SOX5: variants seen among roughly 807,000 people sequenced by gnomAD.
SOX5 encodes SRY-box transcription factor 5, also known as transcription factor SOX-5.
Under a neutral mutation model 92.0 loss-of-function variants are expected in SOX5, and 9 were observed. That is an observed-to-expected ratio of 0.10 (90% CI 0.06 to 0.17). The LOEUF is 0.17. SOX5 is among the 10% of genes least tolerant of loss of function. The pLI is 1.00. For missense variants in SOX5, 642 were observed against 944.5 expected (o/e 0.68, Z 4.20); for synonymous variants, 344 against 336.3 (o/e 1.02, Z -0.25).
chr12:24,134,535 G>C (rs908881845), intron 4 of SOX5, among the ~76,000 whole-genome samples: 8 of 151,762 alleles, frequency 5.3e-5, no homozygotes, highest in Non-Finnish European at 1.0e-4. Context: ...TATAACACAT[G>C]CACACACACA....
At chr12:23,783,945 G>A (rs1177665214) in intron 3 of SOX5, among the ~76,000 whole-genome samples, 1 of 152,006 alleles carries the variant, frequency 6.6e-6, no homozygotes, top group East Asian at 1.9e-4. Flanking sequence ...ATCACCTGGA[G>A]GATTGTTATA....
rs149825445 is a variant in SOX5 at position 24,388,816 on chromosome 12, T to C, written c.-250-20177A>G. 2.2e-3 allele frequency among the ~76,000 whole-genome samples: 341 copies of C among 152,270 alleles called. 7 individuals are homozygous for C. The highest frequency in any genetic ancestry group is 0.021 in the East Asian group (108 of 5,178). ...TAGCCATGAATGTACTTTCTGTCTC[T>C]ATATATTTGGTTGTCTGGATATCCA... On this transcript the variant is annotated intron_variant, in intron 1 of 4. Coordinates refer to the SOX5 transcript ENST00000446891.
chr12:23,945,591 A>G (rs770806504), intron 1 of SOX5, among the ~76,000 whole-genome samples: 1 of 152,194 alleles, frequency 6.6e-6, no homozygotes. Context: ...CTTGCAAATT[A>G]TTGACACGGT....
intron 3 of SOX5, among the ~76,000 whole-genome samples, chr12:23,758,623 A>G (rs77914464): frequency 6.6e-6 from 1 of 151,906 alleles, no homozygotes; most frequent in Non-Finnish European, 1.5e-5. Context: ...AATTCTACCT[A>G]TTGGATCCCA....
chr12:23,976,883 TAGA>T (rs1461908672), intron 4 of SOX5, among the ~76,000 whole-genome samples: 1 of 151,778 alleles, frequency 6.6e-6, no homozygotes, highest in African/African-American at 2.4e-5. Flanking sequence ...TGTTGACTTG[TAGA>T]AGAATAGAAT....
intron 14 of SOX5, among the ~76,000 whole-genome samples, 173 bp from the exon 15 acceptor site, chr12:23,534,695 TTTTC>T (rs1193810381): frequency 3.9e-4 from 53 of 136,590 alleles, no homozygotes; most frequent in Non-Finnish European, 5.1e-4. Context: ...CTTGTTTTTC[TTTTC>T]TTTTCTTTTT....
At chr12:23,979,905 CTGGCT>C (rs1428607889) in intron 4 of SOX5, among the ~76,000 whole-genome samples, 4,178 of 127,802 alleles carry the variant, frequency 0.033, 86 homozygotes, top group East Asian at 0.046. Context: ...GGCTGGCTGG[CTGGCT>C]GGCCAGACAG....
At chr12:23,857,796 G>A (rs905531615) in intron 2 of SOX5, among the ~76,000 whole-genome samples, 5 of 150,556 alleles carry the variant, frequency 3.3e-5, no homozygotes, top group Non-Finnish European at 5.9e-5. Context: ...GCAGTGGCAC[G>A]ATCTTGGCTC....
intron 1 of SOX5, among the ~76,000 whole-genome samples, chr12:23,896,776 G>C (rs1283073441): frequency 6.7e-6 from 1 of 149,132 alleles, no homozygotes; most frequent in African/African-American, 2.5e-5. Flanking sequence ...ACAACTCTAT[G>C]AATGATTTAG....
intron 4 of SOX5, among the ~76,000 whole-genome samples, chr12:23,998,420 G>A (rs951934066): frequency 6.6e-6 from 1 of 151,998 alleles, no homozygotes; most frequent in African/African-American, 2.4e-5. Context: ...ATGATAAGTT[G>A]AGAACAAAGC....
chr12:24,545,954 A>G (rs1194501109), intron 1 of SOX5, among the ~76,000 whole-genome samples: 1 of 152,004 alleles, frequency 6.6e-6, no homozygotes, highest in Non-Finnish European at 1.5e-5. Context: ...ATCTCCTCCT[A>G]TCCGTCCTTT....
chr12:23,853,715 T>C (rs1286115894), intron 2 of SOX5, among the ~76,000 whole-genome samples: 1 of 152,090 alleles, frequency 6.6e-6, no homozygotes, highest in African/African-American at 2.4e-5. Flanking sequence ...AAATTGCTAA[T>C]ACATTAACTA....
chr12:24,366,286 A>G lies in SOX5; in HGVS notation c.-174+2277T>C, dbSNP rs146159335. Among the ~76,000 whole-genome samples the G allele has an allele frequency of 4.6e-3, 699 of 152,268 alleles. 8 individuals carry two copies. The highest frequency in any genetic ancestry group is 0.014 in the African/African-American group (584 of 41,564). On this transcript the variant is annotated intron_variant, in intron 2 of 4. Coordinates refer to the SOX5 transcript ENST00000446891. ...TATTTCCTTCTGGGATACAAACCCA[A>G]TGCCTAGTCCATGAAAATTACAAAG...
At chr12:23,935,869 G>T (rs1200331858) in intron 1 of SOX5, among the ~76,000 whole-genome samples, 1 of 151,126 alleles carries the variant, frequency 6.6e-6, no homozygotes, top group African/African-American at 2.4e-5. Flanking sequence ...TAAAGTTATG[G>T]TAGCACATTA....
intron 4 of SOX5, among the ~76,000 whole-genome samples, chr12:24,193,697 A>C (rs556988032): frequency 6.6e-6 from 1 of 152,332 alleles, no homozygotes; most frequent in South Asian, 2.1e-4. Context: ...ATGTATGCCC[A>C]CTATCACACT....
At chr12:23,848,144 G>T (rs990884695) in intron 2 of SOX5, among the ~76,000 whole-genome samples, 1 of 152,078 alleles carries the variant, frequency 6.6e-6, no homozygotes, top group African/African-American at 2.4e-5. Flanking sequence ...GCTACACTTT[G>T]AACATTTCTG....
Position 23,921,094 on chromosome 12 carries a change from A to T in SOX5, c.39-25070T>A, listed in dbSNP as rs375615625. On this transcript the variant is annotated intron_variant, in intron 1 of 14. Coordinates refer to ENST00000451604, the MANE Select transcript of SOX5 (RefSeq NM_006940.6). ...TTCCATCTATATAGTTAAAACAATT[A>T]CTGGTACATAATCCACCTAATATGC... Among the ~76,000 whole-genome samples the T allele has an allele frequency of 6.0e-4, 91 of 152,320 alleles. 1 individual carries two copies. The South Asian group carries it at 0.018, about 30-fold the overall frequency.
chr12:23,902,620 A>T (rs549165806), intron 1 of SOX5, among the ~76,000 whole-genome samples: 8 of 152,250 alleles, frequency 5.3e-5, no homozygotes, highest in African/African-American at 1.4e-4. Context: ...CTGAAACTAC[A>T]ATAGAAGCAT....
intron 3 of SOX5, among the ~76,000 whole-genome samples, chr12:24,246,599 C>T (rs1938788722): frequency 6.6e-6 from 1 of 151,844 alleles, no homozygotes; most frequent in Non-Finnish European, 1.5e-5. Context: ...CTGGAAAGTG[C>T]TTAAAGCTTA....
Sources: gnomAD v4.1 joint callset for allele counts (sites outside exome capture counted in the v4.1 genomes callset) on GRCh38, gnomAD v4.1.1 for gene constraint, MANE v1.5 for transcripts, NCBI Gene and HGNC (gene_info 2026-07-23, HGNC 2026-07-21) for gene names.